The following LAD1 variants were observed in gnomAD, a reference collection of about 807,000 sequenced individuals.
LAD1 encodes the protein ladinin 1.
LAD1 carries 53 observed loss-of-function variants against 54.2 expected under a neutral mutation model. The observed-to-expected ratio is 0.98, with a 90% CI of 0.78 to 1.23. LAD1 has a LOEUF of 1.23. LAD1 is among the 50% of genes most tolerant of loss of function. The probability of loss-of-function intolerance (pLI) is 0.00; values close to 1 mark genes in which losing one functional copy is unlikely to be tolerated. For synonymous variants in LAD1, 231 were observed against 257.7 expected (o/e 0.90, Z 0.99); for missense variants, 637 against 653.3 (o/e 0.98, Z 0.27).
At chr1:201,391,209 C>T (rs1463042705) in intron 1 of LAD1, 5 of 447,886 alleles carry the variant, frequency 1.1e-5, no homozygotes, top group Non-Finnish European at 1.8e-5. Context: ...GATGAAAATC[C>T]AGACAACTTT....
At chr1:201,387,247 A>C in intron 2 of LAD1, 69 bp from the exon 3 acceptor site, 7 of 1,391,906 alleles carry the variant, frequency 5.0e-6, no homozygotes, top group Non-Finnish European at 6.5e-6. Context: ...ACCTAACCCA[A>C]TGGAGATGCT....
At position 201,399,278 on chromosome 1, in the gene LAD1, G is replaced by A. The variant is rs1236831962; in HGVS notation, c.29C>T (p.Ala10Val). ...TCCCTCCGGCGCTCACCTGGACAGCGCGGACCAGTCCTTCCTGCTGACAGC... is the reference window on the plus strand; with the variant it reads ...TCCCTCCGGCGCTCACCTGGACAGCACGGACCAGTCCTTCCTGCTGACAGC... MAVSRKDWSALSSLARQRTL... is the reference protein window; with the variant it reads MAVSRKDWSVLSSLARQRTL... The change falls in exon 1 of 10, where the codon GCG (alanine) becomes GTG (valine). Residue 10 changes from alanine (A) to valine (V), a missense_variant. Coordinates refer to ENST00000391967, the MANE Select transcript of LAD1 (RefSeq NM_005558.4). 4.5e-6 allele frequency: 7 copies of A among 1,550,096 alleles called. No homozygotes were observed. Among genetic ancestry groups the A allele is most frequent in the African/African-American group, 1.4e-5 (1 of 73,486 alleles).
At position 201,387,239 on chromosome 1, in the gene LAD1, C is replaced by G. The variant is rs547836419; in HGVS notation, c.183-61G>C. 41 of 1,432,716 alleles carry G rather than the reference C, an allele frequency of 2.9e-5. No homozygotes were observed. In the African/African-American group the frequency reaches 5.8e-4, roughly 20 times the overall value. The allele number at this position is 1,432,716 out of a possible 1,614,324, so 88.8% of individuals were successfully genotyped here. ...GAGGTGGAAGATACCCTAAGTATACCTAACCCAATGGAGATGCTGCCAGGG... is the reference window on the plus strand; with the variant it reads ...GAGGTGGAAGATACCCTAAGTATACGTAACCCAATGGAGATGCTGCCAGGG... On this transcript the variant is annotated intron_variant, in intron 2 of 9. Transcript: ENST00000391967.
chr1:201,385,347 T>A (rs1476467838), intron 4 of LAD1, among the ~76,000 whole-genome samples: 1 of 152,152 alleles, frequency 6.6e-6, no homozygotes, highest in Non-Finnish European at 1.5e-5. Flanking sequence ...CTGCTCTCTG[T>A]TCCTCCCCTC....
intron 9 of LAD1, 31 bp from the exon 10 acceptor site, chr1:201,381,924 A>T: frequency 6.2e-7 from 1 of 1,611,626 alleles, no homozygotes; most frequent in Non-Finnish European, 8.5e-7. Flanking sequence ...AGCACAAGTC[A>T]ATGGGGTGTC....
At position 201,386,917 on chromosome 1, in the gene LAD1, C is replaced by T. The variant is rs1159518086; in HGVS notation, c.444G>A (p.Arg148=). The T allele has an allele frequency of 2.5e-6, 4 of 1,613,540 alleles. No homozygotes were observed. The African/African-American group carries it at 5.3e-5, about 22-fold the overall frequency. The change falls in exon 3 of 10, where the codon CGG becomes CGA. Residue 148 remains arginine, a synonymous_variant. Transcript: ENST00000391967. ...LEIPPRRRLS[R]EQRGPWALEE... is the part of the protein sequence containing the mutation. The stretch of plus-strand genomic sequence containing the variant: ...CCAGGGCCCAGGGGCCCCGCTGTTC[C>T]CGACTCAGTCTCCGGCGAGGTGGGA...
chr1:201,386,792 G>A lies in LAD1; in HGVS notation c.569C>T (p.Ala190Val). ...LEKSSMPKKTAPEKSLVSDKT... is the reference protein window; with the variant it reads ...LEKSSMPKKTVPEKSLVSDKT... ...ATCGGAGACCAGGCTCTTTTCAGGTGCCGTCTTCTTTGGCATGGAGGACTT... is the reference window on the plus strand; with the variant it reads ...ATCGGAGACCAGGCTCTTTTCAGGTACCGTCTTCTTTGGCATGGAGGACTT... The change falls in exon 3 of 10, where the codon GCA (alanine) becomes GTA (valine). Residue 190 changes from alanine (A) to valine (V), a missense_variant. Ala to Val is a moderately conservative substitution (Grantham distance 64). Coordinates refer to ENST00000391967, the MANE Select transcript of LAD1 (RefSeq NM_005558.4). 6.2e-7 allele frequency: 1 copy of A among 1,614,038 alleles called. No individual in the cohort carries two copies. Among genetic ancestry groups the A allele is most frequent in the Non-Finnish European group, 8.5e-7 (1 of 1,180,008 alleles).
At chr1:201,387,768 C>T (rs559091592) in intron 2 of LAD1, among the ~76,000 whole-genome samples, 4 of 152,296 alleles carry the variant, frequency 2.6e-5, no homozygotes, top group African/African-American at 4.8e-5. Context: ...AGGGTCATCA[C>T]AGCCCTGTTC....
At chr1:201,390,547 A>T (rs1218172547) in intron 1 of LAD1, among the ~76,000 whole-genome samples, 1 of 152,114 alleles carries the variant, frequency 6.6e-6, no homozygotes, top group Non-Finnish European at 1.5e-5. Context: ...AAAAAACTTA[A>T]CATTTTAAAT....
intron 5 of LAD1, chr1:201,383,593 G>C: frequency 8.1e-6 from 5 of 617,364 alleles, no homozygotes; most frequent in Non-Finnish European, 1.5e-5. Context: ...TCCAAGAAAC[G>C]TCCCATTCAA....
Position 201,385,738 on chromosome 1 carries a change from G to A in LAD1, c.1094C>T (p.Ser365Phe). 1 of 1,614,182 alleles carries A rather than the reference G, an allele frequency of 6.2e-7. No individual in the cohort carries two copies. Among genetic ancestry groups the A allele is most frequent in the Non-Finnish European group, 8.5e-7 (1 of 1,180,002 alleles). ...GGTCCTGGGGCTGGAGCGTTTGAGG[G>A]AGCTGCTGTAGGTTCGCTGTGTGGG... ...SSPTQRTYSS[S>F]LKRSSPRTIS... The change falls in exon 4 of 10, where the codon TCC (serine) becomes TTC (phenylalanine). Residue 365 changes from serine (S) to phenylalanine (F), a missense_variant. Physicochemically the swap from Ser to Phe is radical, Grantham distance 155. Transcript: ENST00000391967.
chr1:201,383,775 TC>T (rs1662020895), intron 5 of LAD1, among the ~76,000 whole-genome samples: 1 of 152,048 alleles, frequency 6.6e-6, no homozygotes, highest in Non-Finnish European at 1.5e-5. Context: ...ATCCTGTCCT[TC>T]CAGCTCAGAC....
At chr1:201,390,180 A>G (rs1662174256) in intron 1 of LAD1, among the ~76,000 whole-genome samples, 1 of 151,578 alleles carries the variant, frequency 6.6e-6, no homozygotes, top group African/African-American at 2.4e-5. Context: ...TGGCCTCCCA[A>G]AGTGCTGGGA....
chr1:201,390,900 G>A (rs556442486), intron 1 of LAD1, among the ~76,000 whole-genome samples: 1 of 152,334 alleles, frequency 6.6e-6, no homozygotes, highest in African/African-American at 2.4e-5. Flanking sequence ...ACGTGGAAGG[G>A]CGGGCCTGGT....
intron 1 of LAD1, among the ~76,000 whole-genome samples, chr1:201,397,596 CA>C (rs1662318819): frequency 6.6e-6 from 1 of 152,140 alleles, no homozygotes. Context: ...CTTTCAGACA[CA>C]AAATCACATA....
intron 9 of LAD1, 103 bp from the exon 10 acceptor site, chr1:201,381,996 C>A: frequency 1.6e-6 from 2 of 1,262,780 alleles, no homozygotes; most frequent in East Asian, 2.3e-5. Flanking sequence ...AGCCCCACAC[C>A]CACAAGGAGT....
At chr1:201,383,469 G>T in intron 5 of LAD1, 80 bp from the exon 6 acceptor site, 1 of 1,272,200 alleles carries the variant, frequency 7.9e-7, no homozygotes, top group Non-Finnish European at 1.2e-6. Context: ...CTGAGGAGCA[G>T]CCCCATCACA....
intron 1 of LAD1, among the ~76,000 whole-genome samples, chr1:201,391,790 G>A (rs953350959): frequency 6.6e-6 from 1 of 152,204 alleles, no homozygotes; most frequent in African/African-American, 2.4e-5. Context: ...GGTTTGCTGG[G>A]GACAGGAGGC....
chr1:201,382,024 C>G (rs1661972539), intron 9 of LAD1, 131 bp from the exon 10 acceptor site: 1 of 1,014,292 alleles, frequency 9.9e-7, no homozygotes, highest in African/African-American at 1.6e-5. Flanking sequence ...CTGTAATCTG[C>G]CAGCTGAAGA....
Sources: allele counts gnomAD v4.1 joint callset (sites outside exome capture counted in the v4.1 genomes callset), GRCh38; gene constraint gnomAD v4.1.1; transcripts MANE v1.5; gene names NCBI Gene and HGNC (gene_info 2026-07-23, HGNC 2026-07-21).